Variants in ROBO1 observed in about 807,000 individuals in gnomAD.
The protein encoded by ROBO1 is roundabout homolog 1.
A neutral mutation model predicts 195.9 loss-of-function variants in ROBO1; 149 were observed. The ratio of observed to expected loss-of-function variants is 0.76; its 90% CI spans 0.67 to 0.87. The LOEUF is 0.87. Ranked by LOEUF, ROBO1 falls within the 40% of genes least tolerant of loss-of-function variation. The pLI is 0.00. For missense variants in ROBO1, 1,933 were observed against 2,068.3 expected (o/e 0.93, Z 1.27); for synonymous variants, 816 against 733.2 (o/e 1.11, Z -1.82).
chr3:79,346,287 C>T (rs1009014266), intron 2 of ROBO1, among the ~76,000 whole-genome samples: 1 of 151,976 alleles, frequency 6.6e-6, no homozygotes, highest in Non-Finnish European at 1.5e-5. Flanking sequence ...GATATTATGG[C>T]TATGTTGTAT....
At chr3:78,809,776 T>G (rs1451670734) in intron 4 of ROBO1, among the ~76,000 whole-genome samples, 1 of 116,474 alleles carries the variant, frequency 8.6e-6, no homozygotes, top group Non-Finnish European at 2.1e-5. Context: ...CACTCATAAG[T>G]GGGAGTTGAA....
At chr3:79,701,971 CTATA>C (rs1454555181) in intron 1 of ROBO1, among the ~76,000 whole-genome samples, 1 of 151,652 alleles carries the variant, frequency 6.6e-6, no homozygotes. Context: ...ATAAAGTAGA[CTATA>C]TATCTAAACT....
chr3:79,165,254 C>T (rs1352594418), intron 2 of ROBO1, among the ~76,000 whole-genome samples: 1 of 152,206 alleles, frequency 6.6e-6, no homozygotes, highest in African/African-American at 2.4e-5. Context: ...ATCAGAAGAC[C>T]TTACTCTACC....
At chr3:79,648,734 T>A (rs1447709862) in intron 1 of ROBO1, among the ~76,000 whole-genome samples, 1 of 151,990 alleles carries the variant, frequency 6.6e-6, no homozygotes, top group Non-Finnish European at 1.5e-5. Flanking sequence ...AAGATAAATC[T>A]AAATAAGTAC....
At chr3:78,971,304 A>G (rs1271496030) in intron 3 of ROBO1, among the ~76,000 whole-genome samples, 3 of 152,074 alleles carry the variant, frequency 2.0e-5, no homozygotes, top group Non-Finnish European at 2.9e-5. Context: ...CAGGAGGATC[A>G]CCTAAGCCCG....
chr3:79,415,085 T>TG (rs1296331866), intron 2 of ROBO1, among the ~76,000 whole-genome samples: 10 of 152,150 alleles, frequency 6.6e-5, no homozygotes, highest in African/African-American at 1.4e-4. Flanking sequence ...ATCATGTCAC[T>TG]AACCATATAA....
At chr3:79,156,268 T>C (rs1223699838) in intron 2 of ROBO1, among the ~76,000 whole-genome samples, 2 of 151,374 alleles carry the variant, frequency 1.3e-5, no homozygotes, top group Non-Finnish European at 3.0e-5. Flanking sequence ...AATGACACAC[T>C]AGATCAGAAG....
intron 1 of ROBO1, among the ~76,000 whole-genome samples, chr3:79,714,693 T>G (rs568878383): frequency 6.0e-4 from 91 of 152,104 alleles, no homozygotes; most frequent in African/African-American, 2.1e-3. Context: ...GTTCATGTCC[T>G]TTGTAGGGAC....
intron 2 of ROBO1, among the ~76,000 whole-genome samples, chr3:79,521,332 GT>G: frequency 6.6e-6 from 1 of 152,272 alleles, no homozygotes; most frequent in South Asian, 2.1e-4. Context: ...AGGGGTTCCT[GT>G]TTAGGAAACA....
chr3:79,557,027 T>A (rs919452452), intron 2 of ROBO1, among the ~76,000 whole-genome samples: 9 of 151,250 alleles, frequency 6.0e-5, no homozygotes, highest in African/African-American at 2.2e-4. Flanking sequence ...GTTGTTTTTT[T>A]TTTTTATTTT....
chr3:79,582,204 A>G (rs1266754902), intron 2 of ROBO1, among the ~76,000 whole-genome samples: 1 of 151,702 alleles, frequency 6.6e-6, no homozygotes, highest in Non-Finnish European at 1.5e-5. Context: ...TTTATAATCT[A>G]TGATATTTAT....
At chr3:79,183,239 A>G (rs557125126) in intron 2 of ROBO1, among the ~76,000 whole-genome samples, 1 of 152,292 alleles carries the variant, frequency 6.6e-6, no homozygotes, top group East Asian at 1.9e-4. Context: ...TTGTGTCATC[A>G]AACACTGGAT....
At chr3:78,607,161 A>C in intron 28 of ROBO1, 120 bp from the exon 29 acceptor site, 1 of 983,642 alleles carries the variant, frequency 1.0e-6, no homozygotes, top group Non-Finnish European at 1.5e-6. Flanking sequence ...ATGAACTAGA[A>C]TACTTGAAGG....
At chr3:79,239,914 A>G (rs2082481008) in intron 2 of ROBO1, among the ~76,000 whole-genome samples, 1 of 152,106 alleles carries the variant, frequency 6.6e-6, no homozygotes, top group South Asian at 2.1e-4. Context: ...ATAAACTTGT[A>G]TATATTTATG....
At chr3:79,485,029 G>A (rs1939084436) in intron 2 of ROBO1, among the ~76,000 whole-genome samples, 1 of 151,986 alleles carries the variant, frequency 6.6e-6, no homozygotes, top group Non-Finnish European at 1.5e-5. Flanking sequence ...TGGGATTACA[G>A]GCGTGAGCCA....
chr3:79,036,379 C>T (rs892704831), intron 3 of ROBO1, among the ~76,000 whole-genome samples: 1 of 151,942 alleles, frequency 6.6e-6, no homozygotes, highest in Non-Finnish European at 1.5e-5. Flanking sequence ...TGGTCTGGTT[C>T]TCTGTGGCAG....
intron 2 of ROBO1, among the ~76,000 whole-genome samples, chr3:79,252,932 C>T (rs2082759757): frequency 6.6e-6 from 1 of 152,050 alleles, no homozygotes; most frequent in South Asian, 2.1e-4. Flanking sequence ...TAGTGTTCTC[C>T]TGAACCCATT....
At chr3:79,552,711 C>G (rs1451661617) in intron 2 of ROBO1, among the ~76,000 whole-genome samples, 1 of 152,042 alleles carries the variant, frequency 6.6e-6, no homozygotes, top group African/African-American at 2.4e-5. Flanking sequence ...AGATAGATGG[C>G]AGTTTATATA....
chr3:78,608,849 G>A (rs965006821), intron 28 of ROBO1, among the ~76,000 whole-genome samples: 1 of 152,062 alleles, frequency 6.6e-6, no homozygotes, highest in African/African-American at 2.4e-5. Flanking sequence ...CAGTTGGCTC[G>A]GTGAATGAAA....
Sources: gnomAD v4.1 joint callset for allele counts (sites outside exome capture counted in the v4.1 genomes callset) on GRCh38, gnomAD v4.1.1 for gene constraint, MANE v1.5 for transcripts, NCBI Gene and HGNC (gene_info 2026-07-23, HGNC 2026-07-21) for gene names.